Variants in POC1B observed in about 807,000 individuals in gnomAD.
POC1B encodes the protein POC1 centriolar protein B.
POC1B carries 44 observed loss-of-function variants against 60.6 expected under a neutral mutation model. That is an observed-to-expected ratio of 0.73 (90% CI 0.57 to 0.93). POC1B has a LOEUF of 0.93. Ranked by LOEUF, POC1B falls within the 40% of genes least tolerant of loss-of-function variation. The pLI is 0.00. For missense variants in POC1B, 555 were observed against 572.3 expected (o/e 0.97, Z 0.31); for synonymous variants, 180 against 198.9 (o/e 0.90, Z 0.80).
chr12:89,457,915 A>T (rs1406430388), intron 10 of POC1B, among the ~76,000 whole-genome samples: 3 of 152,198 alleles, frequency 2.0e-5, no homozygotes, highest in African/African-American at 7.2e-5. Context: ...TGTATACTAC[A>T]ACAGACACAT....
In POC1B at chr12:89,471,603, A is replaced by C; in HGVS notation, c.676+11T>G. ...TTCGGTAACTGAATTTTTTGTTAGG[A>C]AAATTGTTACCTTGGTAATGCTGTA... On this transcript the variant is annotated intron_variant, in intron 6 of 11. Coordinates refer to ENST00000313546, the MANE Select transcript of POC1B (RefSeq NM_172240.3). The C allele has an allele frequency of 6.3e-7, 1 of 1,590,616 alleles. No homozygotes were observed. The highest frequency in any genetic ancestry group is 8.6e-7 in the Non-Finnish European group (1 of 1,161,676).
rs147685808 is a variant in POC1B, at chr12:89,445,280, A to G, written c.1113+14358T>C. Among the ~76,000 whole-genome samples the G allele has an allele frequency of 3.5e-3, 538 of 152,338 alleles. 6 individuals are homozygous for G. The highest frequency in any genetic ancestry group is 0.012 in the African/African-American group (499 of 41,578). On this transcript the variant is annotated intron_variant, in intron 10 of 11. Transcript: ENST00000313546. Reference sequence around the variant, plus strand: ...ACTTTAAAGTTCATATGGAACCAAAAAAGAGCTCATATTGCCAAGACAATC... The same window carrying G: ...ACTTTAAAGTTCATATGGAACCAAAGAAGAGCTCATATTGCCAAGACAATC...
intron 4 of POC1B, among the ~76,000 whole-genome samples, chr12:89,476,721 GATA>G: frequency 8.7e-6 from 1 of 115,420 alleles, no homozygotes; most frequent in Non-Finnish European, 1.8e-5. Context: ...TAGATAGATA[GATA>G]GATAGATAGA....
chr12:89,491,526 A>G (rs1448556587), intron 4 of POC1B, among the ~76,000 whole-genome samples: 1 of 149,482 alleles, frequency 6.7e-6, no homozygotes, highest in Non-Finnish European at 1.5e-5. Context: ...TCAGAGTCTG[A>G]GGTAGGAGAA....
the POC1B span, among the ~76,000 whole-genome samples, chr12:89,404,743 CT>C: frequency 6.6e-6 from 1 of 152,112 alleles, no homozygotes; most frequent in African/African-American, 2.4e-5. Context: ...CACATATATC[CT>C]TCTAAAAATT....
At position 89,497,316 on chromosome 12, in the gene POC1B, T is replaced by A; in HGVS notation, c.127A>T (p.Met43Leu). ...LATASWDTFL[M>L]LWNFKPHARA... Reference sequence around the variant, plus strand: ...GCATGTGGCTTGAAATTCCATAGCATGAGAAAGGTATCCCAAGAAGCAGTA... The same window carrying A: ...GCATGTGGCTTGAAATTCCATAGCAAGAGAAAGGTATCCCAAGAAGCAGTA... The change falls in exon 3 of 12, where the codon ATG becomes TTG. Residue 43 changes from methionine (M) to leucine (L), a missense_variant. Physicochemically the swap from Met to Leu is conservative, Grantham distance 15. Coordinates refer to ENST00000313546, the MANE Select transcript of POC1B (RefSeq NM_172240.3). 1 of 1,612,540 alleles carries A rather than the reference T, an allele frequency of 6.2e-7. No homozygotes were observed. Among genetic ancestry groups the A allele is most frequent in the Non-Finnish European group, 8.5e-7 (1 of 1,179,916 alleles).
chr12:89,410,820 A>C, the POC1B span, among the ~76,000 whole-genome samples: 7 of 152,356 alleles, frequency 4.6e-5, no homozygotes, highest in South Asian at 1.2e-3. Context: ...GGAAAAGAAG[A>C]AGCCAAATTA....
In POC1B at chr12:89,524,578, C is replaced by A. The variant is rs1361042955; in HGVS notation, c.100+542G>T. ...GATTCTCAGGGCTGAGGCGCAGACGCGGCCACCAAGCCACCACGCAGGGGA... is the reference window on the plus strand; with the variant it reads ...GATTCTCAGGGCTGAGGCGCAGACGAGGCCACCAAGCCACCACGCAGGGGA... On this transcript the variant is annotated intron_variant, in intron 2 of 11. Transcript: ENST00000313546. The A allele has an allele frequency of 2.5e-6, 4 of 1,608,612 alleles. No homozygotes were observed. The Admixed American group carries it at 5.0e-5, about 20-fold the overall frequency.
chr12:89,443,503 A>G (rs1462632654), intron 10 of POC1B, among the ~76,000 whole-genome samples: 1 of 151,956 alleles, frequency 6.6e-6, no homozygotes, highest in Non-Finnish European at 1.5e-5. Context: ...CTGAATGACT[A>G]CTGGGTACAT....
At chr12:89,455,259 C>G (rs1298523310) in intron 10 of POC1B, among the ~76,000 whole-genome samples, 1 of 152,122 alleles carries the variant, frequency 6.6e-6, no homozygotes, top group Non-Finnish European at 1.5e-5. Flanking sequence ...CACTTGAACC[C>G]AGGAACTGGA....
intron 4 of POC1B, among the ~76,000 whole-genome samples, chr12:89,490,088 A>G (rs1041348116): frequency 6.6e-6 from 1 of 152,180 alleles, no homozygotes; most frequent in Non-Finnish European, 1.5e-5. Flanking sequence ...GCCAGCATAT[A>G]GAGAGGCCCC....
At position 89,420,170 on chromosome 12, in the gene POC1B, T is replaced by C. The variant is rs1166532070; in HGVS notation, c.*983A>G. 1 of 152,218 alleles carries C rather than the reference T, an allele frequency of 6.6e-6. No individual in the cohort carries two copies. Among genetic ancestry groups the C allele is most frequent in the Non-Finnish European group, 1.5e-5 (1 of 68,030 alleles). 9.4% of individuals were successfully genotyped at this position (152,218 alleles called of 1,614,324 possible). ...TTTGGTTTAAAATAAAGCAAAATTC[T>C]TAATTTGTATCCAGGATCTTTTAGA... On this transcript the variant is annotated 3_prime_UTR_variant, in exon 12 of 12. Transcript: ENST00000313546.
intron 4 of POC1B, among the ~76,000 whole-genome samples, chr12:89,476,759 T>TAGATAGATAGATAGACAGACAGATAGAC (rs1485211003): frequency 3.4e-5 from 2 of 58,582 alleles, no homozygotes; most frequent in African/African-American, 1.0e-4. Flanking sequence ...GATAGATAGA[T>TAGATAGATAGATAGACAGACAGATAGAC]AGACAGACAG....
At chr12:89,424,504 A>G (rs1490107868) in intron 11 of POC1B, among the ~76,000 whole-genome samples, 1 of 152,212 alleles carries the variant, frequency 6.6e-6, no homozygotes, top group Non-Finnish European at 1.5e-5. Context: ...TCTGACAAAT[A>G]TTAGTATTTA....
In POC1B at chr12:89,452,695, GA is replaced by G. The variant is rs745501652; in HGVS notation, c.1113+6942del. On this transcript the variant is annotated intron_variant, in intron 10 of 11. Coordinates refer to ENST00000313546, the MANE Select transcript of POC1B (RefSeq NM_172240.3). ...TTTTATTAAAAAGCATATTTTATTTGAAGGGGGGGAAAAGAAGCCTCTGGCT... is the reference window on the plus strand; with the variant it reads ...TTTTATTAAAAAGCATATTTTATTTGAGGGGGGGAAAAGAAGCCTCTGGCT... 1.2e-4 allele frequency among the ~76,000 whole-genome samples: 19 copies of G among 152,018 alleles called. No homozygotes were observed. The East Asian group carries it at 3.5e-3, about 28-fold the overall frequency.
intron 2 of POC1B, among the ~76,000 whole-genome samples, chr12:89,516,076 A>G (rs1381949792): frequency 6.6e-6 from 1 of 152,154 alleles, no homozygotes; most frequent in Non-Finnish European, 1.5e-5. Flanking sequence ...TGGGTCTTAT[A>G]TACTCCAAAG....
chr12:89,462,885 C>T (rs529017826), intron 9 of POC1B, among the ~76,000 whole-genome samples: 36 of 152,136 alleles, frequency 2.4e-4, no homozygotes, highest in Non-Finnish European at 4.3e-4. Flanking sequence ...TAGACTTTAT[C>T]ATCATGTAAT....
At position 89,479,543 on chromosome 12, in the gene POC1B, G is replaced by A. The variant is rs867701553; in HGVS notation, c.453-7268C>T. 2.0e-5 allele frequency among the ~76,000 whole-genome samples: 3 copies of A among 151,424 alleles called. No homozygotes were observed. The South Asian group carries it at 6.3e-4, about 32-fold the overall frequency. Reference sequence around the variant, plus strand: ...GCATGAATGTATTTCCAAATATATGGTATACCTTATTTATTTAAATTAACC... The same window carrying A: ...GCATGAATGTATTTCCAAATATATGATATACCTTATTTATTTAAATTAACC... On this transcript the variant is annotated intron_variant, in intron 4 of 11. Coordinates refer to ENST00000313546, the MANE Select transcript of POC1B (RefSeq NM_172240.3).
At chr12:89,408,376 C>T in the POC1B span, among the ~76,000 whole-genome samples, 12 of 152,136 alleles carry the variant, frequency 7.9e-5, no homozygotes, top group Non-Finnish European at 1.2e-4. Context: ...CTTGAGGAAT[C>T]GCCACAGTGT....
Sources: gnomAD v4.1 joint callset for allele counts (sites outside exome capture counted in the v4.1 genomes callset) on GRCh38, gnomAD v4.1.1 for gene constraint, MANE v1.5 for transcripts, NCBI Gene and HGNC (gene_info 2026-07-23, HGNC 2026-07-21) for gene names.